ZNF26: variants seen among roughly 807,000 people sequenced by gnomAD.
ZNF26 encodes zinc finger protein 26.
In ZNF26, 32 loss-of-function variants were observed where a neutral mutation model predicts 54.9. The ratio of observed to expected loss-of-function variants is 0.58; its 90% confidence interval spans 0.44 to 0.78. The LOEUF is 0.78. Ranked by LOEUF, ZNF26 falls within the 30% of genes least tolerant of loss-of-function variation. The pLI is 0.00. For missense variants in ZNF26, 524 were observed against 634.0 expected (o/e 0.83, Z 1.86); for synonymous variants, 221 against 209.2 (o/e 1.06, Z -0.49).
At chr12:133,008,082 C>T (rs903952973) in intron 3 of ZNF26, among the ~76,000 whole-genome samples, 1 of 152,092 alleles carries the variant, frequency 6.6e-6, no homozygotes, top group Non-Finnish European at 1.5e-5. Flanking sequence ...TCGAAAGGCT[C>T]TTCCGTTCCG....
rs1348759992 is a variant in ZNF26 at position 133,023,941 on chromosome 12, T to C, written c.*12460T>C. Reference sequence around the variant, plus strand: ...GAGGCTCTGAGATTACATAAAGAGATGCTTGTTCAGCCCCATATGCTCCCG... The same window carrying C: ...GAGGCTCTGAGATTACATAAAGAGACGCTTGTTCAGCCCCATATGCTCCCG... On this transcript the variant is annotated 3_prime_UTR_variant, in exon 4 of 4. Coordinates refer to ENST00000328654, the MANE Select transcript of ZNF26 (RefSeq NM_019591.4). 6.6e-6 allele frequency: 1 copy of C among 152,258 alleles called. No homozygotes were observed. Among genetic ancestry groups the C allele is most frequent in the African/African-American group, 2.4e-5 (1 of 41,464 alleles). 9.4% of individuals were successfully genotyped at this position (152,258 alleles called of 1,614,324 possible). A position where few individuals can be genotyped will look rare whatever the true frequency, so the allele number is the denominator to read the frequency against.
chr12:133,020,882 G>C lies in ZNF26; in HGVS notation c.*9401G>C, dbSNP rs1050198557. On this transcript the variant is annotated 3_prime_UTR_variant, in exon 4 of 4. Transcript: ENST00000328654. ...CTCCCTTCTATATGCACATATCTCT[G>C]TGCAAACGTCCCCTTTTTATAGGGA... 1.3e-5 allele frequency: 2 copies of C among 152,026 alleles called. No homozygotes were observed. The highest frequency in any genetic ancestry group is 6.6e-5 in the Admixed American group (1 of 15,256). The allele number at this position is 152,026 out of a possible 1,614,324, so 9.4% of individuals were successfully genotyped here. A position where few individuals can be genotyped will look rare whatever the true frequency, so the allele number is the denominator to read the frequency against.
intron 1 of ZNF26, chr12:133,005,110 C>T (rs2137247001): frequency 6.6e-6 from 1 of 152,282 alleles, no homozygotes; most frequent in South Asian, 2.1e-4. Context: ...TTTCAGGCCG[C>T]ATTTCTTTGA....
In ZNF26 at chr12:133,026,895, A is replaced by G. The variant is rs937173478; in HGVS notation, c.*15414A>G. On this transcript the variant is annotated 3_prime_UTR_variant, in exon 4 of 4. Coordinates refer to ENST00000328654, the MANE Select transcript of ZNF26 (RefSeq NM_019591.4). ...TAAAGTTTATATATTTATCATTTTA[A>G]CCAAATAATGTAGAAATAGAGTGAT... is the stretch of plus-strand genomic sequence containing the variant. 6.6e-6 allele frequency: 1 copy of G among 152,218 alleles called. No homozygotes were observed. The highest frequency in any genetic ancestry group is 1.5e-5 in the Non-Finnish European group (1 of 68,040). 9.4% of individuals were successfully genotyped at this position (152,218 alleles called of 1,614,324 possible). A position where few individuals can be genotyped will look rare whatever the true frequency, so the allele number is the denominator to read the frequency against.
At chr12:132,999,535 G>A (rs1055680877) in intron 1 of ZNF26, among the ~76,000 whole-genome samples, 5 of 151,968 alleles carry the variant, frequency 3.3e-5, no homozygotes, top group African/African-American at 7.3e-5. Context: ...GATTACAGGC[G>A]TGAGCCACCG....
chr12:133,002,651 G>C (rs1027496905), intron 1 of ZNF26, among the ~76,000 whole-genome samples: 2 of 151,628 alleles, frequency 1.3e-5, no homozygotes, highest in Admixed American at 6.6e-5. Context: ...TTGAGATGTA[G>C]TCTTCTGTGT....
At chr12:132,994,904 C>T (rs958134886) in intron 1 of ZNF26, among the ~76,000 whole-genome samples, 7 of 152,028 alleles carry the variant, frequency 4.6e-5, no homozygotes, top group African/African-American at 1.7e-4. Flanking sequence ...TTCCTGGCCC[C>T]GACTTATGTA....
chr12:133,000,547 C>G (rs1953191537), intron 1 of ZNF26, among the ~76,000 whole-genome samples: 1 of 151,890 alleles, frequency 6.6e-6, no homozygotes, highest in South Asian at 2.1e-4. Context: ...GCCTCAGCCT[C>G]CCGAGTAGCT....
In ZNF26 at chr12:133,011,356, C is replaced by G. The variant is rs1953468216; in HGVS notation, c.1477C>G (p.Gln493Glu). 16 of 1,613,772 alleles carry G rather than the reference C, an allele frequency of 9.9e-6. No homozygotes were observed. The South Asian group carries it at 1.8e-4, about 18-fold the overall frequency. Reference protein sequence around the residue: ...KCSECGKAFTQKSSLSEHQRV... With the variant: ...KCSECGKAFTEKSSLSEHQRV... ...CAGTGAATGTGGAAAAGCCTTCACT[C>G]AGAAGTCATCTCTCAGTGAACATCA... The change falls in exon 4 of 4, where the codon CAG becomes GAG. Residue 493 changes from glutamine to glutamate, a missense_variant. Coordinates refer to ENST00000328654, the MANE Select transcript of ZNF26 (RefSeq NM_019591.4).
At chr12:133,002,547 T>TCACC (rs1953241581) in intron 1 of ZNF26, among the ~76,000 whole-genome samples, 3 of 151,994 alleles carry the variant, frequency 2.0e-5, no homozygotes, top group Admixed American at 1.3e-4. Context: ...GCTGCCCTGA[T>TCACC]CACCGTGTCT....
chr12:132,992,663 A>G (rs1952988971), intron 1 of ZNF26, among the ~76,000 whole-genome samples: 1 of 152,236 alleles, frequency 6.6e-6, no homozygotes, highest in African/African-American at 2.4e-5. Context: ...AACTTATAAT[A>G]GGTTTATCCA....
chr12:133,010,954 G>A lies in ZNF26; in HGVS notation c.1075G>A (p.Val359Ile), dbSNP rs1249885849. 1 of 1,614,008 alleles carries A rather than the reference G, an allele frequency of 6.2e-7. No individual in the cohort carries two copies. The highest frequency in any genetic ancestry group is 8.5e-7 in the Non-Finnish European group (1 of 1,180,028). ...CTTCAATATGAAGACACAACTCATT[G>A]TACATCAGGGAGTTCACACAGGAAA... ...KAFNMKTQLI[V>I]HQGVHTGNNP... The change falls in exon 4 of 4, where the codon GTA becomes ATA. Residue 359 changes from valine (V) to isoleucine (I), a missense_variant. Transcript: ENST00000328654.
intron 1 of ZNF26, among the ~76,000 whole-genome samples, chr12:132,993,424 A>ATCATGTCT (rs1186573991): frequency 1.2e-4 from 18 of 151,228 alleles, no homozygotes; most frequent in Non-Finnish European, 2.2e-4. Flanking sequence ...CAACATCCCT[A>ATCATGTCT]TCATGTCTGG....
rs2137291631 is a variant in ZNF26, at chr12:133,026,332, C to T, written c.*14851C>T. ...GGCAGGCTGGTCTTGAACTCCTGAC[C>T]TCATGATCCACCTGCCTCGGCCTCC... On this transcript the variant is annotated 3_prime_UTR_variant, in exon 4 of 4. Coordinates refer to ENST00000328654, the MANE Select transcript of ZNF26 (RefSeq NM_019591.4). 6.6e-6 allele frequency: 1 copy of T among 152,030 alleles called. No homozygotes were observed. The highest frequency in any genetic ancestry group is 2.1e-4 in the South Asian group (1 of 4,820). 9.4% of individuals were successfully genotyped at this position (152,030 alleles called of 1,614,324 possible).
chr12:133,004,563 A>G (rs1267754331), intron 1 of ZNF26: 1 of 151,978 alleles, frequency 6.6e-6, no homozygotes, highest in African/African-American at 2.4e-5. Flanking sequence ...ATGGCCAACT[A>G]CAGCCTCAAA....
intron 1 of ZNF26, among the ~76,000 whole-genome samples, chr12:132,992,324 T>A (rs1307760523): frequency 6.6e-6 from 1 of 152,148 alleles, no homozygotes; most frequent in Non-Finnish European, 1.5e-5. Context: ...TTTTTTTTTC[T>A]CTAAACACCT....
chr12:132,991,085 C>T (rs1171861619), intron 1 of ZNF26, among the ~76,000 whole-genome samples: 1 of 151,752 alleles, frequency 6.6e-6, no homozygotes, highest in Non-Finnish European at 1.5e-5. Flanking sequence ...TCTCGAACTC[C>T]TGACCTCAAG....
At chr12:132,990,066 T>C (rs1952914181) in intron 1 of ZNF26, among the ~76,000 whole-genome samples, 1 of 152,062 alleles carries the variant, frequency 6.6e-6, no homozygotes, top group African/African-American at 2.4e-5. Context: ...GGAGGATAGC[T>C]TTAGCCTAGG....
Position 133,011,219 on chromosome 12 carries a change from C to T in ZNF26, c.1340C>T (p.Thr447Ile). The change falls in exon 4 of 4, where the codon ACT (threonine) becomes ATT (isoleucine). Residue 447 changes from threonine to isoleucine, a missense_variant. Thr to Ile is a moderately conservative substitution (Grantham distance 89). Coordinates refer to ENST00000328654, the MANE Select transcript of ZNF26 (RefSeq NM_019591.4). ...GKSQLIIHQR[T>I]HSTEKPYECN... ...TCACAGCTGATTATACATCAGAGAA[C>T]TCATTCAACTGAGAAGCCCTATGAA... 6.2e-7 allele frequency: 1 copy of T among 1,614,140 alleles called. No homozygotes were observed. Among genetic ancestry groups the T allele is most frequent in the Non-Finnish European group, 8.5e-7 (1 of 1,180,026 alleles).
Sources: allele counts gnomAD v4.1 joint callset (sites outside exome capture counted in the v4.1 genomes callset), GRCh38; gene constraint gnomAD v4.1.1; transcripts MANE v1.5; gene names NCBI Gene and HGNC (gene_info 2026-07-23, HGNC 2026-07-21).